The following DIAPH3 variants were observed in gnomAD, a reference collection of about 807,000 sequenced individuals.
The protein encoded by DIAPH3 is protein diaphanous homolog 3.
In DIAPH3, 117 loss-of-function variants were observed where a neutral mutation model predicts 144.3. The observed-to-expected ratio is 0.81, with a 90% CI of 0.70 to 0.95. The LOEUF is 0.95. Among genes scored for constraint, DIAPH3 ranks in the 40% least tolerant of loss-of-function variants. The pLI is 0.00. For synonymous variants in DIAPH3, 519 were observed against 488.9 expected (o/e 1.06, Z -0.81); for missense variants, 1,421 against 1,412.7 (o/e 1.01, Z -0.09).
chr13:59,926,512 A>C (rs1331762616), intron 17 of DIAPH3, among the ~76,000 whole-genome samples: 1 of 152,036 alleles, frequency 6.6e-6, no homozygotes, highest in Non-Finnish European at 1.5e-5. Context: ...TTTTGTTTCT[A>C]CTTTAACTCA....
intron 9 of DIAPH3, among the ~76,000 whole-genome samples, chr13:59,993,050 C>T (rs953605434): frequency 6.6e-6 from 1 of 151,818 alleles, no homozygotes; most frequent in Non-Finnish European, 1.5e-5. Flanking sequence ...AGGGTCTTAA[C>T]TCTAGTTAAC....
chr13:59,969,824 G>A, intron 17 of DIAPH3, 120 bp downstream of exon 17: 2 of 567,632 alleles, frequency 3.5e-6, no homozygotes, highest in South Asian at 5.2e-5. Flanking sequence ...TTGCCCATTA[G>A]GAATGTAAAA....
intron 27 of DIAPH3, among the ~76,000 whole-genome samples, chr13:59,731,738 T>C (rs939322256): frequency 6.6e-6 from 1 of 152,162 alleles, no homozygotes; most frequent in African/African-American, 2.4e-5. Flanking sequence ...TATATAGTTA[T>C]TAAAAAATGA....
chr13:60,093,957 C>A (rs2058032306), intron 3 of DIAPH3, among the ~76,000 whole-genome samples: 1 of 152,120 alleles, frequency 6.6e-6, no homozygotes, highest in Non-Finnish European at 1.5e-5. Context: ...ACTAAAAGAA[C>A]TTTTAAAATT....
At chr13:59,699,188 C>A (rs1424394732) in intron 27 of DIAPH3, among the ~76,000 whole-genome samples, 2 of 152,216 alleles carry the variant, frequency 1.3e-5, no homozygotes, top group Non-Finnish European at 2.9e-5. Flanking sequence ...GCAGTGTCAA[C>A]ATGCTGAGGG....
At position 59,971,001 on chromosome 13, in the gene DIAPH3, T is replaced by C. The variant is rs2050334249; in HGVS notation, c.1810A>G (p.Met604Val). 1 of 1,609,592 alleles carries C rather than the reference T, an allele frequency of 6.2e-7. No individual in the cohort carries two copies. Among genetic ancestry groups the C allele is most frequent in the South Asian group, 1.1e-5 (1 of 90,994 alleles). Residue 604 changes from methionine to valine, a missense_variant, in exon 16 of 28, where the codon ATG (methionine) becomes GTG (valine). Coordinates refer to ENST00000400324, the MANE Select transcript of DIAPH3 (RefSeq NM_001042517.2). ...PPPPPLPGMR[M>V]PFSGPVPPPP... ...GGAGGCACAGGACCACTGAATGGCA[T>C]CCGCATTCCTGGAAGTGGAGGAGGT... is the stretch of plus-strand genomic sequence containing the variant.
At chr13:59,918,986 C>T (rs1019972070) in intron 18 of DIAPH3, among the ~76,000 whole-genome samples, 8 of 141,868 alleles carry the variant, frequency 5.6e-5, no homozygotes, top group Non-Finnish European at 1.2e-4. Flanking sequence ...ACAAAGAAAA[C>T]AGTTTTTAAA....
intron 17 of DIAPH3, among the ~76,000 whole-genome samples, chr13:59,928,656 T>C (rs556866184): frequency 1.5e-4 from 23 of 152,186 alleles, no homozygotes; most frequent in Non-Finnish European, 2.6e-4. Context: ...ATCAGCAGTG[T>C]CTGAGATTTC....
chr13:60,027,167 C>A (rs1332718880), intron 5 of DIAPH3, among the ~76,000 whole-genome samples: 2 of 152,138 alleles, frequency 1.3e-5, no homozygotes, highest in African/African-American at 4.8e-5. Flanking sequence ...ATGAACAGTT[C>A]TAGGAGGGAG....
At chr13:59,733,413 GGTGCTATTGAAAAACTAGT>G (rs2035983728) in intron 27 of DIAPH3, among the ~76,000 whole-genome samples, 1 of 151,954 alleles carries the variant, frequency 6.6e-6, no homozygotes, top group Non-Finnish European at 1.5e-5. Flanking sequence ...GAAAATGAAA[GGTGCTATTGAAAAACTAGT>G]GTGTAACTTG....
At chr13:59,998,570 T>C (rs561318544) in intron 9 of DIAPH3, among the ~76,000 whole-genome samples, 15 of 152,286 alleles carry the variant, frequency 9.8e-5, no homozygotes, top group East Asian at 3.9e-4. Flanking sequence ...ATGTATTATA[T>C]AGACTTATTA....
chr13:59,723,073 CTT>C (rs1335519806), intron 27 of DIAPH3, among the ~76,000 whole-genome samples: 1 of 152,114 alleles, frequency 6.6e-6, no homozygotes, highest in Non-Finnish European at 1.5e-5. Flanking sequence ...AAAAATAACT[CTT>C]CAGAATAATG....
intron 22 of DIAPH3, among the ~76,000 whole-genome samples, chr13:59,859,833 TTAACACAAGAAAA>T (rs2139918468): frequency 6.6e-6 from 1 of 152,272 alleles, no homozygotes; most frequent in South Asian, 2.1e-4. Context: ...CTCAGGTGAT[TTAACACAAGAAAA>T]TAATTTCAAT....
At chr13:59,791,390 T>G (rs1264335027) in intron 25 of DIAPH3, among the ~76,000 whole-genome samples, 1 of 152,210 alleles carries the variant, frequency 6.6e-6, no homozygotes, top group Non-Finnish European at 1.5e-5. Context: ...AGAGTCTGTA[T>G]GGAACATTTT....
intron 24 of DIAPH3, among the ~76,000 whole-genome samples, chr13:59,831,125 G>T (rs1054523635): frequency 4.0e-5 from 6 of 151,862 alleles, no homozygotes; most frequent in Non-Finnish European, 7.4e-5. Flanking sequence ...GAAGAACTGT[G>T]TGGCTTGTCT....
intron 27 of DIAPH3, among the ~76,000 whole-genome samples, chr13:59,694,796 T>C (rs2033715150): frequency 6.6e-6 from 1 of 152,114 alleles, no homozygotes; most frequent in South Asian, 2.1e-4. Context: ...GTACTGAAAG[T>C]GGATTTCTTA....
At chr13:59,811,938 G>A (rs543713956) in intron 24 of DIAPH3, among the ~76,000 whole-genome samples, 40 of 152,032 alleles carry the variant, frequency 2.6e-4, no homozygotes, top group Non-Finnish European at 5.2e-4. Flanking sequence ...AGGTAAACAT[G>A]GGATTTTTAA....
intron 27 of DIAPH3, among the ~76,000 whole-genome samples, chr13:59,742,586 G>T (rs1287608720): frequency 1.1e-5 from 1 of 89,082 alleles, no homozygotes; most frequent in African/African-American, 4.8e-5. Flanking sequence ...GAAAGAAAAG[G>T]AAAGAGAAAA....
chr13:60,160,181 G>A (rs142711904), intron 1 of DIAPH3, among the ~76,000 whole-genome samples: 8,055 of 152,106 alleles, frequency 0.053, 307 homozygotes, highest in Admixed American at 0.099. Context: ...CCGAGATCAC[G>A]CCTCTGCACT....
Sources: gnomAD v4.1 joint callset for allele counts (sites outside exome capture counted in the v4.1 genomes callset) on GRCh38, gnomAD v4.1.1 for gene constraint, MANE v1.5 for transcripts, NCBI Gene and HGNC (gene_info 2026-07-23, HGNC 2026-07-21) for gene names.